Variants in CLEC16A observed in about 807,000 individuals in gnomAD.
The protein encoded by CLEC16A is protein CLEC16A.
In CLEC16A, 51 loss-of-function variants were observed where a neutral mutation model predicts 109.5. That is an observed-to-expected ratio of 0.47 (90% confidence interval 0.37 to 0.59). CLEC16A has a LOEUF of 0.59. Ranked by LOEUF, CLEC16A falls within the 20% of genes least tolerant of loss-of-function variation. The pLI, the probability that CLEC16A is intolerant of heterozygous loss-of-function variation, is 0.00. For synonymous variants in CLEC16A, 673 were observed against 564.2 expected, an observed-to-expected ratio of 1.19 and a Z score of -2.73; for missense variants, 1,339 against 1,394.0, an observed-to-expected ratio of 0.96 and a Z score of 0.63.
intron 13 of CLEC16A, chr16:11,027,398 C>T: frequency 7.0e-7 from 1 of 1,425,940 alleles, no homozygotes; most frequent in South Asian, 1.1e-5. Context: ...AAGTCACCCC[C>T]CAGAATCTAC....
In CLEC16A at chr16:11,157,017, G is replaced by A. The variant is rs143992297; in HGVS notation, c.2642-9371G>A. 893 of 1,257,694 alleles carry A rather than the reference G, an allele frequency of 7.1e-4. 9 individuals are homozygous for A. In the African/African-American group the frequency reaches 0.013, roughly 18 times the overall value. 77.9% of individuals were successfully genotyped at this position (1,257,694 alleles called of 1,614,324 possible). On this transcript the variant is annotated intron_variant, in intron 22 of 23. Transcript: ENST00000409790. ...CCCGACAGCAAAAACATTTCTAAGG[G>A]CACAATTAGGACACAGAGAGAAAGC...
chr16:10,951,332 A>G (rs2041720368), intron 1 of CLEC16A, among the ~76,000 whole-genome samples: 1 of 152,112 alleles, frequency 6.6e-6, no homozygotes, highest in Non-Finnish European at 1.5e-5. Flanking sequence ...TTTTATAAGG[A>G]CTTTCCATAA....
chr16:11,126,017 C>T lies in CLEC16A; in HGVS notation c.2512C>T (p.Leu838=), dbSNP rs781380928. The T allele has an allele frequency of 4.3e-6, 7 of 1,613,040 alleles. No individual in the cohort carries two copies. Among genetic ancestry groups the T allele is most frequent in the African/African-American group, 4.0e-5 (3 of 74,668 alleles). The change falls in exon 22 of 24, where the codon CTG becomes TTG. Residue 838 remains leucine (L), a synonymous_variant. Transcript: ENST00000409790. ...CCCAATCCAGCCCACCACTGAAGTC[C>T]TGGGGTTTGGACTCGGCTCCTCCAC... ...DLPIQPTTEV[L]GFGLGSSTST...
chr16:11,054,863 C>T (rs894875837), intron 18 of CLEC16A, among the ~76,000 whole-genome samples: 1 of 151,480 alleles, frequency 6.6e-6, no homozygotes, highest in African/African-American at 2.4e-5. Flanking sequence ...TTATGTGGTT[C>T]GTTTCAAGTT....
At chr16:10,956,184 G>A (rs2041975924) in intron 1 of CLEC16A, among the ~76,000 whole-genome samples, 1 of 152,100 alleles carries the variant, frequency 6.6e-6, no homozygotes, top group Non-Finnish European at 1.5e-5. Flanking sequence ...TTTTTTGAGG[G>A]CTCTTCTAAT....
chr16:10,972,382 C>T (rs951979041), intron 5 of CLEC16A, 172 bp from the exon 6 acceptor site: 41 of 615,928 alleles, frequency 6.7e-5, no homozygotes, highest in African/African-American at 6.4e-4. Flanking sequence ...TCTGCTGCCT[C>T]CTGCTCTGTT....
intron 22 of CLEC16A, among the ~76,000 whole-genome samples, chr16:11,151,083 G>A (rs1230718661): frequency 6.6e-6 from 1 of 152,146 alleles, no homozygotes; most frequent in Non-Finnish European, 1.5e-5. Context: ...AGGTACTAGA[G>A]GTTAGGACTT....
At chr16:11,032,234 G>A (rs541377762) in intron 13 of CLEC16A, among the ~76,000 whole-genome samples, 14 of 152,344 alleles carry the variant, frequency 9.2e-5, no homozygotes, top group African/African-American at 3.1e-4. Flanking sequence ...CAGCATGTCC[G>A]AGGCAGCGGG....
chr16:11,175,905 G>A (rs956361972), intron 23 of CLEC16A, among the ~76,000 whole-genome samples: 3 of 152,232 alleles, frequency 2.0e-5, no homozygotes, highest in African/African-American at 4.8e-5. Context: ...CTTGAGCAAA[G>A]AGAGAAAACA....
intron 22 of CLEC16A, among the ~76,000 whole-genome samples, chr16:11,165,947 GTGGGTCCCCCAGGTATGACTTCAGAGCA>G (rs1210526764): frequency 6.6e-6 from 1 of 152,194 alleles, no homozygotes; most frequent in African/African-American, 2.4e-5. Context: ...ACTTCAGAGC[GTGGGTCCCCCAGGTATGACTTCAGAGCA>G]TGGGTCCGGT....
chr16:10,951,247 G>T (rs1311645502), intron 1 of CLEC16A, among the ~76,000 whole-genome samples: 2 of 152,216 alleles, frequency 1.3e-5, no homozygotes, highest in East Asian at 3.8e-4. Context: ...CTCGGATATT[G>T]AGACTGCATC....
At chr16:11,036,330 C>T (rs1214006987) in intron 13 of CLEC16A, among the ~76,000 whole-genome samples, 1 of 151,952 alleles carries the variant, frequency 6.6e-6, no homozygotes, top group Non-Finnish European at 1.5e-5. Flanking sequence ...CTCTCTGGGT[C>T]TGCTCCACTC....
At chr16:10,953,758 C>T (rs1407231651) in intron 1 of CLEC16A, among the ~76,000 whole-genome samples, 2 of 152,180 alleles carry the variant, frequency 1.3e-5, no homozygotes, top group East Asian at 3.9e-4. Flanking sequence ...ACGTGGATCA[C>T]GAGGTCAGGA....
At chr16:11,058,972 C>T (rs1047012535) in intron 18 of CLEC16A, among the ~76,000 whole-genome samples, 11 of 152,150 alleles carry the variant, frequency 7.2e-5, no homozygotes, top group African/African-American at 2.2e-4. Flanking sequence ...TTCAAGTGAC[C>T]ACCCACGTCT....
chr16:11,127,526 C>T (rs1350627452), intron 22 of CLEC16A, among the ~76,000 whole-genome samples: 3 of 152,170 alleles, frequency 2.0e-5, no homozygotes, highest in Admixed American at 2.0e-4. Flanking sequence ...GAAAACAGTA[C>T]ACCAATTCAC....
At chr16:10,949,267 G>A (rs931891485) in intron 1 of CLEC16A, among the ~76,000 whole-genome samples, 6 of 152,096 alleles carry the variant, frequency 3.9e-5, no homozygotes, top group South Asian at 2.1e-4. Flanking sequence ...TTAAAATATC[G>A]TCTTCACCAT....
intron 19 of CLEC16A, among the ~76,000 whole-genome samples, chr16:11,112,940 T>C (rs188538357): frequency 4.6e-5 from 7 of 152,294 alleles, no homozygotes; most frequent in African/African-American, 1.7e-4. Context: ...ACCTGGGCCC[T>C]GAACTCCTCT....
chr16:11,070,140 C>T (rs2048987706), intron 19 of CLEC16A, among the ~76,000 whole-genome samples: 1 of 151,670 alleles, frequency 6.6e-6, no homozygotes, highest in South Asian at 2.1e-4. Flanking sequence ...GCGCAATCTC[C>T]ACTCACTGCA....
At chr16:11,175,838 T>G (rs1206861848) in intron 23 of CLEC16A, among the ~76,000 whole-genome samples, 1 of 152,172 alleles carries the variant, frequency 6.6e-6, no homozygotes, top group Non-Finnish European at 1.5e-5. Flanking sequence ...AACACCCCAT[T>G]AAGGAGCAGG....
Sources: gnomAD v4.1 joint callset for allele counts (sites outside exome capture counted in the v4.1 genomes callset) on GRCh38, gnomAD v4.1.1 for gene constraint, MANE v1.5 for transcripts, NCBI Gene and HGNC (gene_info 2026-07-23, HGNC 2026-07-21) for gene names.